The following CFAP20DC variants were observed in gnomAD, a reference collection of about 807,000 sequenced individuals.
The protein encoded by CFAP20DC is CFAP20 domain containing, also known as protein CFAP20DC.
A neutral mutation model predicts 101.7 loss-of-function variants in CFAP20DC; 84 were observed. That is an observed-to-expected ratio of 0.83 (90% CI 0.69 to 0.99). The LOEUF (loss-of-function observed/expected upper bound fraction) is 0.99, where lower values mean the gene tolerates loss of function less well. Ranked by LOEUF, CFAP20DC falls within the 50% of genes least tolerant of loss-of-function variation. The pLI is 0.00. For missense variants in CFAP20DC, 1,007 were observed against 970.3 expected, an observed-to-expected ratio of 1.04 and a Z score of -0.50; for synonymous variants, 359 against 351.2, an observed-to-expected ratio of 1.02 and a Z score of -0.25.
rs902944509 is a variant in CFAP20DC, at chr3:58,795,516, A to G, written c.2237+10879T>C. Among the ~76,000 whole-genome samples, 1 of 152,206 alleles carries G rather than the reference A, an allele frequency of 6.6e-6. No homozygotes were observed. The highest frequency in any genetic ancestry group is 6.5e-5 in the Admixed American group (1 of 15,284). Reference sequence around the variant, plus strand: ...GGCTTGTGCCTGTGGTCTCGGCTACATGGGAAGCTGGAGTGGGAGAGTTAC... The same window carrying G: ...GGCTTGTGCCTGTGGTCTCGGCTACGTGGGAAGCTGGAGTGGGAGAGTTAC... On this transcript the variant is annotated intron_variant, in intron 15 of 16. Transcript: ENST00000482387. The surrounding 1 kb of genome is among the most constrained non-coding windows in gnomAD (Gnocchi z 4.2).
At chr3:58,949,680 C>T (rs1043843989) in intron 4 of CFAP20DC, among the ~76,000 whole-genome samples, 1 of 152,066 alleles carries the variant, frequency 6.6e-6, no homozygotes, top group African/African-American at 2.4e-5. Context: ...ATGATTATCT[C>T]AATAGATGCA....
chr3:58,842,605 C>T (rs2077232312), intron 13 of CFAP20DC, among the ~76,000 whole-genome samples: 1 of 152,218 alleles, frequency 6.6e-6, no homozygotes, highest in Admixed American at 6.5e-5. Context: ...CCGCCATTGC[C>T]CAGGCTTGAT....
intron 4 of CFAP20DC, among the ~76,000 whole-genome samples, chr3:58,981,300 C>T (rs1021613445): frequency 6.6e-6 from 1 of 152,006 alleles, no homozygotes; most frequent in Non-Finnish European, 1.5e-5. Context: ...TTTATAGATT[C>T]AATGCCATCC....
intron 14 of CFAP20DC, among the ~76,000 whole-genome samples, chr3:58,820,217 C>T (rs1365563085): frequency 6.7e-6 from 1 of 150,256 alleles, no homozygotes; most frequent in African/African-American, 2.4e-5. Context: ...GAAGCATTCC[C>T]TTTGAAAACT....
chr3:58,860,985 A>G (rs980987402), intron 12 of CFAP20DC, among the ~76,000 whole-genome samples: 3 of 152,192 alleles, frequency 2.0e-5, no homozygotes, highest in East Asian at 1.9e-4. Flanking sequence ...ATGATAAAGC[A>G]AAGAGTAAGG....
intron 14 of CFAP20DC, among the ~76,000 whole-genome samples, chr3:58,819,468 C>T (rs1187813450): frequency 6.7e-5 from 10 of 149,402 alleles, no homozygotes; most frequent in African/African-American, 1.2e-4. Context: ...ATATCACCAC[C>T]GATCCCACAG....
intron 15 of CFAP20DC, among the ~76,000 whole-genome samples, chr3:58,754,391 C>T (rs2068782469): frequency 6.6e-6 from 1 of 152,106 alleles, no homozygotes; most frequent in African/African-American, 2.4e-5. Context: ...GGCATTTCCC[C>T]ATCTCTTTAC....
At chr3:58,966,056 C>G (rs982291491) in intron 4 of CFAP20DC, among the ~76,000 whole-genome samples, 1 of 152,236 alleles carries the variant, frequency 6.6e-6, no homozygotes, top group Non-Finnish European at 1.5e-5. Flanking sequence ...AGAAAAACGG[C>G]TGAGTATCAG....
At chr3:59,003,639 A>C (rs1037926361) in intron 4 of CFAP20DC, among the ~76,000 whole-genome samples, 7 of 152,198 alleles carry the variant, frequency 4.6e-5, no homozygotes, top group Non-Finnish European at 8.8e-5. Context: ...GACATCTGTT[A>C]TCTGTTTTCC....
At chr3:59,004,146 G>A (rs2093377390) in intron 4 of CFAP20DC, among the ~76,000 whole-genome samples, 1 of 152,152 alleles carries the variant, frequency 6.6e-6, no homozygotes, top group Admixed American at 6.5e-5. Context: ...TAAACTCCAT[G>A]AGGACAGGAA....
At chr3:58,982,866 CAA>C (rs200851338) in intron 4 of CFAP20DC, among the ~76,000 whole-genome samples, 2 of 151,542 alleles carry the variant, frequency 1.3e-5, no homozygotes, top group Non-Finnish European at 2.9e-5. Context: ...ATAATAAAAA[CAA>C]AAAAAGTTTC....
intron 1 of CFAP20DC, among the ~76,000 whole-genome samples, chr3:59,048,322 C>T (rs915693534): frequency 2.6e-5 from 4 of 152,148 alleles, no homozygotes; most frequent in African/African-American, 9.7e-5. Context: ...TTATAACACA[C>T]GATCACTTGG....
intron 15 of CFAP20DC, among the ~76,000 whole-genome samples, chr3:58,798,937 C>T (rs2073458734): frequency 6.6e-6 from 1 of 152,232 alleles, no homozygotes. Context: ...TATTGTACAC[C>T]TAACAGACTA....
intron 6 of CFAP20DC, among the ~76,000 whole-genome samples, chr3:58,898,336 G>A (rs188553740): frequency 2.5e-4 from 38 of 152,106 alleles, no homozygotes; most frequent in African/African-American, 7.0e-4. Context: ...CAGCATGCCC[G>A]GCTAATTTTT....
chr3:58,876,547 G>A (rs2080768648), intron 7 of CFAP20DC, among the ~76,000 whole-genome samples: 1 of 152,096 alleles, frequency 6.6e-6, no homozygotes, highest in Non-Finnish European at 1.5e-5. Context: ...TGTGGAAAAT[G>A]AACTTGGTGT....
chr3:59,045,316 G>A (rs1326280200), intron 3 of CFAP20DC, among the ~76,000 whole-genome samples: 3 of 151,894 alleles, frequency 2.0e-5, no homozygotes, highest in African/African-American at 7.2e-5. Context: ...TTTTTATAGA[G>A]CTTCATGCAT....
rs2072586930 is a variant in CFAP20DC at position 58,788,610 on chromosome 3, T to C, written c.2237+17785A>G. On this transcript the variant is annotated intron_variant, in intron 15 of 16. Coordinates refer to ENST00000482387, the MANE Select transcript of CFAP20DC (RefSeq NM_001394063.1). The surrounding 1 kb of genome is among the most constrained non-coding windows in gnomAD (Gnocchi z 4.2). ...CTGGGATTGTAGCAACAGCAATGAC[T>C]ACCACCACCACAGTGGAAAACACTT... Among the ~76,000 whole-genome samples, 2 of 152,060 alleles carry C rather than the reference T, an allele frequency of 1.3e-5. No homozygotes were observed. Among genetic ancestry groups the C allele is most frequent in the Admixed American group, 1.3e-4 (2 of 15,232 alleles).
chr3:59,033,641 A>C (rs1018094780), intron 4 of CFAP20DC, among the ~76,000 whole-genome samples: 4 of 152,178 alleles, frequency 2.6e-5, no homozygotes, highest in African/African-American at 9.7e-5. Context: ...GGTGAAGACA[A>C]AATTAGATTA....
chr3:59,031,733 A>G (rs1274630264), intron 4 of CFAP20DC, among the ~76,000 whole-genome samples: 1 of 152,222 alleles, frequency 6.6e-6, no homozygotes, highest in Non-Finnish European at 1.5e-5. Context: ...TAAAATTCAT[A>G]TGTTAACAAC....
Sources: allele counts gnomAD v4.1 joint callset (sites outside exome capture counted in the v4.1 genomes callset), GRCh38; gene constraint gnomAD v4.1.1; non-coding constraint Gnocchi (gnomAD v3.1); transcripts MANE v1.5; gene names NCBI Gene and HGNC (gene_info 2026-07-23, HGNC 2026-07-21).